The following TAS2R1 variants were observed in gnomAD, a reference collection of about 807,000 sequenced individuals.
TAS2R1 encodes taste 2 receptor member 1, also known as taste receptor type 2 member 1.
For missense variants in TAS2R1, 370 were observed against 353.4 expected (o/e 1.05, Z -0.38); for synonymous variants, 141 against 134.2 (o/e 1.05, Z -0.35).
chr5:9,630,369 T>C (rs1291859299), upstream of TAS2R1: 1 of 190,566 alleles, frequency 5.2e-6, no homozygotes, highest in African/African-American at 2.4e-5. Context: ...TCCATAGTAA[T>C]TAGCCAAAGA....
At chr5:9,677,164 C>T (rs1183280323) in intron 1 of TAS2R1, among the ~76,000 whole-genome samples, 1 of 152,120 alleles carries the variant, frequency 6.6e-6, no homozygotes, top group Non-Finnish European at 1.5e-5. Context: ...GACAGAAAAC[C>T]AAATACTGCA....
At chr5:9,642,384 T>C (rs1477491013) in intron 2 of TAS2R1, among the ~76,000 whole-genome samples, 1 of 152,150 alleles carries the variant, frequency 6.6e-6, no homozygotes, top group Non-Finnish European at 1.5e-5. Flanking sequence ...AAGGAAGAAA[T>C]AGACTCTGAG....
chr5:9,836,026 T>G, the TAS2R1 span, among the ~76,000 whole-genome samples: 1 of 152,056 alleles, frequency 6.6e-6, no homozygotes, highest in African/African-American at 2.4e-5. Flanking sequence ...AGGGACCCAG[T>G]AGGAGGTAAT....
At chr5:9,885,807 T>C in the TAS2R1 span, among the ~76,000 whole-genome samples, 3 of 152,220 alleles carry the variant, frequency 2.0e-5, no homozygotes, top group Admixed American at 2.0e-4. Flanking sequence ...GTTTGTGTGA[T>C]AAATGCATAT....
chr5:9,818,023 G>T, the TAS2R1 span, among the ~76,000 whole-genome samples: 4 of 152,000 alleles, frequency 2.6e-5, no homozygotes, highest in Non-Finnish European at 4.4e-5. Context: ...CTACACATGG[G>T]GATTATAATT....
intron 1 of TAS2R1, among the ~76,000 whole-genome samples, chr5:9,710,201 C>T (rs1369083374): frequency 1.3e-5 from 2 of 152,150 alleles, no homozygotes; most frequent in Non-Finnish European, 2.9e-5. Context: ...GATTGCCTGT[C>T]TTCTTTATGA....
upstream of TAS2R1, among the ~76,000 whole-genome samples, chr5:9,715,096 A>C (rs965487511): frequency 6.6e-6 from 1 of 152,222 alleles, no homozygotes; most frequent in African/African-American, 2.4e-5. Context: ...AACTACACAC[A>C]CTTCAAGAGG....
At chr5:9,715,415 T>C (rs568142178), upstream of TAS2R1, among the ~76,000 whole-genome samples, 1 of 152,312 alleles carries the variant, frequency 6.6e-6, no homozygotes, top group African/African-American at 2.4e-5. Context: ...ACCAGGAGGC[T>C]GTGGGTATGA....
intron 1 of TAS2R1, among the ~76,000 whole-genome samples, chr5:9,675,158 C>G (rs527352438): frequency 6.7e-6 from 1 of 148,942 alleles, no homozygotes; most frequent in African/African-American, 2.4e-5. Context: ...ACAGAAAACT[C>G]TGATGAAATA....
the TAS2R1 span, among the ~76,000 whole-genome samples, chr5:9,874,113 A>C: frequency 6.6e-6 from 1 of 152,190 alleles, no homozygotes; most frequent in Non-Finnish European, 1.5e-5. Flanking sequence ...AAATTGAAAA[A>C]ATTATTGCAA....
chr5:9,860,818 C>T, the TAS2R1 span, among the ~76,000 whole-genome samples: 1 of 152,140 alleles, frequency 6.6e-6, no homozygotes, highest in African/African-American at 2.4e-5. Flanking sequence ...TGGCTGCAGC[C>T]TGCAGAAAGG....
chr5:9,708,243 G>A lies in TAS2R1; in HGVS notation c.-242+3929C>T, dbSNP rs1011973356. 2.6e-5 allele frequency among the ~76,000 whole-genome samples: 4 copies of A among 152,176 alleles called. No homozygotes were observed. In the East Asian group the frequency reaches 5.8e-4, roughly 22 times the overall value. On this transcript the variant is annotated intron_variant, in intron 1 of 2. Transcript: ENST00000506620. ...TAAATCAGAGGGAGCGTATCCTAGCGATGGCAGGCCCTGTTCGGCCACAGA... is the reference window on the plus strand; with the variant it reads ...TAAATCAGAGGGAGCGTATCCTAGCAATGGCAGGCCCTGTTCGGCCACAGA...
the TAS2R1 span, among the ~76,000 whole-genome samples, chr5:9,798,820 C>T: frequency 3.9e-5 from 6 of 152,228 alleles, no homozygotes; most frequent in Non-Finnish European, 8.8e-5. Flanking sequence ...GAAGCAATCT[C>T]TCCCGCAAAC....
At chr5:9,643,489 G>C (rs1003566814) in intron 2 of TAS2R1, among the ~76,000 whole-genome samples, 1 of 152,096 alleles carries the variant, frequency 6.6e-6, no homozygotes, top group African/African-American at 2.4e-5. Context: ...AGTTGCTCTG[G>C]GTAAGTCAGT....
chr5:9,791,171 G>A, the TAS2R1 span, among the ~76,000 whole-genome samples: 1 of 152,116 alleles, frequency 6.6e-6, no homozygotes, highest in Admixed American at 6.5e-5. Flanking sequence ...TAGCTGTGAA[G>A]TGCATTATAG....
the TAS2R1 span, among the ~76,000 whole-genome samples, chr5:9,826,039 A>G: frequency 6.6e-6 from 1 of 152,230 alleles, no homozygotes; most frequent in African/African-American, 2.4e-5. Flanking sequence ...TTCAGTGGTC[A>G]GAAAAAGAAA....
chr5:9,833,190 G>T, the TAS2R1 span, among the ~76,000 whole-genome samples: 1 of 152,206 alleles, frequency 6.6e-6, no homozygotes, highest in Non-Finnish European at 1.5e-5. Flanking sequence ...GCGAGCCTCA[G>T]AGAGATGACT....
chr5:9,814,970 C>T, the TAS2R1 span, among the ~76,000 whole-genome samples: 5 of 152,204 alleles, frequency 3.3e-5, no homozygotes, highest in African/African-American at 1.2e-4. Context: ...CATCTTAATA[C>T]AGTGTTTCTC....
the TAS2R1 span, among the ~76,000 whole-genome samples, chr5:9,882,778 C>T: frequency 6.6e-6 from 1 of 152,060 alleles, no homozygotes; most frequent in African/African-American, 2.4e-5. Flanking sequence ...TCCTCAAAGA[C>T]CTGGAACCAG....
Sources: allele counts gnomAD v4.1 joint callset (sites outside exome capture counted in the v4.1 genomes callset), GRCh38; gene constraint gnomAD v4.1.1; transcripts MANE v1.5; gene names NCBI Gene and HGNC (gene_info 2026-07-23, HGNC 2026-07-21).